GPM6A: variants seen among roughly 807,000 people sequenced by gnomAD.
GPM6A encodes the protein neuronal membrane glycoprotein M6-a.
GPM6A carries 7 observed loss-of-function variants against 32.1 expected under a neutral mutation model. The ratio of observed to expected loss-of-function variants is 0.22; its 90% CI spans 0.12 to 0.41. The LOEUF (loss-of-function observed/expected upper bound fraction) is 0.41, where lower values mean the gene tolerates loss of function less well. GPM6A is among the 10% of genes least tolerant of loss of function. The probability of loss-of-function intolerance (pLI) is 1.00; values close to 1 mark genes in which losing one functional copy is unlikely to be tolerated. For synonymous variants in GPM6A, 130 were observed against 123.4 expected, an observed-to-expected ratio of 1.05 and a Z score of -0.35; for missense variants, 235 against 347.2, an observed-to-expected ratio of 0.68 and a Z score of 2.57.
chr4:175,650,183 G>A (rs1282768042), intron 4 of GPM6A, among the ~76,000 whole-genome samples: 1 of 151,990 alleles, frequency 6.6e-6, no homozygotes, highest in Non-Finnish European at 1.5e-5. Flanking sequence ...ATGTACATAT[G>A]AGTACTATTA....
At chr4:175,828,616 T>C (rs1735509566) in intron 1 of GPM6A, among the ~76,000 whole-genome samples, 1 of 152,178 alleles carries the variant, frequency 6.6e-6, no homozygotes, top group African/African-American at 2.4e-5. Context: ...ATTAGCTTAA[T>C]TGCTTAAAAT....
chr4:175,851,299 A>T (rs918135255), intron 1 of GPM6A, among the ~76,000 whole-genome samples: 1 of 152,114 alleles, frequency 6.6e-6, no homozygotes, highest in South Asian at 2.1e-4. Flanking sequence ...AGCCTGGCCA[A>T]CATGGTGAAA....
intron 2 of GPM6A, among the ~76,000 whole-genome samples, chr4:175,680,788 T>C (rs1440880314): frequency 2.6e-5 from 4 of 152,214 alleles, no homozygotes; most frequent in Non-Finnish European, 5.9e-5. Context: ...TGTGTGCATG[T>C]TTGTGTATAT....
chr4:175,787,075 C>T (rs1282642427), intron 1 of GPM6A, among the ~76,000 whole-genome samples: 2 of 151,842 alleles, frequency 1.3e-5, no homozygotes, highest in Admixed American at 1.3e-4. Flanking sequence ...CTTTGTTTTT[C>T]TATTTCTCCC....
chr4:175,690,940 TG>T (rs1560877456), intron 2 of GPM6A, among the ~76,000 whole-genome samples: 1 of 152,226 alleles, frequency 6.6e-6, no homozygotes, highest in Non-Finnish European at 1.5e-5. Context: ...TCAAACAATG[TG>T]GTGATGGACA....
chr4:175,728,378 G>C (rs1276293319), intron 1 of GPM6A, among the ~76,000 whole-genome samples: 2 of 152,120 alleles, frequency 1.3e-5, no homozygotes, highest in Non-Finnish European at 2.9e-5. Context: ...ATCTTTGTCA[G>C]ATGTTATTTT....
chr4:175,637,878 T>TTA (rs1210102719), intron 6 of GPM6A, among the ~76,000 whole-genome samples: 2 of 118,258 alleles, frequency 1.7e-5, no homozygotes, highest in African/African-American at 7.6e-5. Context: ...TATATAATAT[T>TTA]TATATATTAT....
chr4:175,829,516 G>C (rs1735540048), intron 1 of GPM6A, among the ~76,000 whole-genome samples: 1 of 151,630 alleles, frequency 6.6e-6, no homozygotes, highest in Non-Finnish European at 1.5e-5. Flanking sequence ...TGGATGCCAA[G>C]TGAAAACGTG....
At chr4:175,955,056 G>C (rs149824859) in intron 1 of GPM6A, among the ~76,000 whole-genome samples, 57 of 152,334 alleles carry the variant, frequency 3.7e-4, no homozygotes, top group African/African-American at 1.3e-3. Flanking sequence ...GAGAAGTAGA[G>C]ATGAATCACC....
At chr4:175,687,391 T>C (rs1375326570) in intron 2 of GPM6A, among the ~76,000 whole-genome samples, 1 of 151,984 alleles carries the variant, frequency 6.6e-6, no homozygotes, top group African/African-American at 2.4e-5. Context: ...ATTTTGACCA[T>C]TTTAGATAGT....
At chr4:175,705,704 G>A (rs1050253505) in intron 1 of GPM6A, among the ~76,000 whole-genome samples, 1 of 152,082 alleles carries the variant, frequency 6.6e-6, no homozygotes, top group Non-Finnish European at 1.5e-5. Flanking sequence ...TAAGGCTGCG[G>A]ATCTTGCTGC....
chr4:175,915,617 C>T (rs992977801), intron 1 of GPM6A, among the ~76,000 whole-genome samples: 21 of 152,014 alleles, frequency 1.4e-4, no homozygotes, highest in Non-Finnish European at 2.8e-4. Flanking sequence ...GAAAAACTGA[C>T]AAACAGGCAA....
At chr4:175,794,640 G>A (rs916264150) in intron 1 of GPM6A, among the ~76,000 whole-genome samples, 7 of 152,168 alleles carry the variant, frequency 4.6e-5, no homozygotes, top group African/African-American at 9.7e-5. Flanking sequence ...GGAACCTGGG[G>A]AATTGCATGA....
intron 1 of GPM6A, among the ~76,000 whole-genome samples, chr4:175,913,602 C>A (rs186331885): frequency 6.6e-6 from 1 of 152,176 alleles, no homozygotes; most frequent in Non-Finnish European, 1.5e-5. Flanking sequence ...CTATTCAATC[C>A]GGCCACATCA....
chr4:175,861,980 C>T (rs1260950873), intron 1 of GPM6A, among the ~76,000 whole-genome samples: 1 of 152,040 alleles, frequency 6.6e-6, no homozygotes, highest in Non-Finnish European at 1.5e-5. Context: ...CACATGTTTA[C>T]TCTGTTAATC....
At chr4:175,951,354 A>C (rs1426746609) in intron 1 of GPM6A, among the ~76,000 whole-genome samples, 1 of 152,210 alleles carries the variant, frequency 6.6e-6, no homozygotes, top group East Asian at 1.9e-4. Flanking sequence ...GATGGAGATA[A>C]AACAGTAAAA....
At chr4:175,708,561 A>G (rs991118106) in intron 1 of GPM6A, among the ~76,000 whole-genome samples, 4 of 151,734 alleles carry the variant, frequency 2.6e-5, no homozygotes, top group African/African-American at 9.7e-5. Flanking sequence ...AAATTTTTGT[A>G]CTTTTAGTAG....
chr4:175,893,398 C>T (rs553789151), intron 1 of GPM6A, among the ~76,000 whole-genome samples: 114 of 152,230 alleles, frequency 7.5e-4, no homozygotes, highest in African/African-American at 2.1e-3. Flanking sequence ...TAAGAAATTT[C>T]TAAAACTGAT....
At chr4:175,636,260 G>GTATATGTATATA (rs1740582099) in intron 6 of GPM6A, among the ~76,000 whole-genome samples, 1 of 101,340 alleles carries the variant, frequency 9.9e-6, no homozygotes, top group African/African-American at 4.0e-5. Flanking sequence ...CATAATCACT[G>GTATATGTATATA]TATATATATA....
Sources: gnomAD v4.1 joint callset for allele counts (sites outside exome capture counted in the v4.1 genomes callset) on GRCh38, gnomAD v4.1.1 for gene constraint, MANE v1.5 for transcripts, NCBI Gene and HGNC (gene_info 2026-07-23, HGNC 2026-07-21) for gene names.